HEATR5A: variants seen among roughly 807,000 people sequenced by gnomAD.
HEATR5A encodes the protein HEAT repeat-containing protein 5A.
A neutral mutation model predicts 218.8 loss-of-function variants in HEATR5A; 178 were observed. That is an observed-to-expected ratio of 0.81 (90% confidence interval 0.72 to 0.92). The LOEUF (loss-of-function observed/expected upper bound fraction) is 0.92. Among genes scored for constraint, HEATR5A ranks in the 40% least tolerant of loss-of-function variants. The pLI is 0.00. For missense variants in HEATR5A, 2,420 were observed against 2,418.9 expected (o/e 1.00, Z -0.01); for synonymous variants, 864 against 871.6 (o/e 0.99, Z 0.15).
chr14:31,386,862 A>C (rs1173282634), intron 8 of HEATR5A, among the ~76,000 whole-genome samples: 1 of 152,218 alleles, frequency 6.6e-6, no homozygotes, highest in African/African-American at 2.4e-5. Flanking sequence ...AATGATTTCA[A>C]CATTATTGAT....
chr14:31,380,300 C>T (rs1031192076), intron 11 of HEATR5A, among the ~76,000 whole-genome samples, 167 bp downstream of exon 11: 1 of 152,094 alleles, frequency 6.6e-6, no homozygotes, highest in African/African-American at 2.4e-5. Context: ...TAAGCAATGA[C>T]GAAAGTAAAA....
chr14:31,343,217 T>C (rs916318774), intron 21 of HEATR5A, among the ~76,000 whole-genome samples: 1 of 151,980 alleles, frequency 6.6e-6, no homozygotes, highest in East Asian at 1.9e-4. Context: ...CTCAGCCTCC[T>C]GAGTAGCTGG....
intron 31 of HEATR5A, among the ~76,000 whole-genome samples, chr14:31,306,016 C>A (rs766016614): frequency 2.3e-4 from 35 of 152,202 alleles, no homozygotes; most frequent in South Asian, 6.2e-4. Context: ...AATCTGCAAA[C>A]ATAAGTTCTT....
chr14:31,419,282 G>GAA (rs199743106), intron 1 of HEATR5A, among the ~76,000 whole-genome samples: 3 of 142,520 alleles, frequency 2.1e-5, no homozygotes, highest in African/African-American at 7.7e-5. Flanking sequence ...TATCAGTGAA[G>GAA]AAAAAAAAAA....
intron 32 of HEATR5A, 85 bp downstream of exon 32, chr14:31,304,820 G>T: frequency 7.3e-7 from 1 of 1,373,974 alleles, no homozygotes; most frequent in Non-Finnish European, 1.0e-6. Context: ...CATTTAAAAA[G>T]AAAAAGATTA....
At position 31,295,940 on chromosome 14, in the gene HEATR5A, A is replaced by G. The variant is rs372556692; in HGVS notation, c.5588T>C (p.Phe1863Ser). 1.2e-6 allele frequency: 2 copies of G among 1,613,618 alleles called. No homozygotes were observed. Among genetic ancestry groups the G allele is most frequent in the Non-Finnish European group, 1.7e-6 (2 of 1,179,762 alleles). Residue 1863 changes from phenylalanine to serine, a missense_variant, in exon 34 of 36, where the codon TTT becomes TCT. Physicochemically the swap from Phe to Ser is radical, Grantham distance 155. Coordinates refer to ENST00000543095, the MANE Select transcript of HEATR5A (RefSeq NM_015473.4). ...ATCTTTTATCTCAAGAGTAGCTTTA[A>G]ATTTATCAATACAGCGCTTCTGAAG... The part of the protein sequence containing the change: ...PCLQKRCIDK[F>S]KATLEIKDPV...
In HEATR5A at chr14:31,345,186, T is replaced by C. The variant is rs562033746; in HGVS notation, c.2959A>G (p.Met987Val). The C allele has an allele frequency of 8.1e-6, 13 of 1,613,650 alleles. No individual in the cohort carries two copies. Among genetic ancestry groups the C allele is most frequent in the Non-Finnish European group, 1.1e-5 (13 of 1,179,664 alleles). Residue 987 changes from methionine (M) to valine (V), a missense_variant, in exon 20 of 36, where the codon ATG becomes GTG. Coordinates refer to ENST00000543095, the MANE Select transcript of HEATR5A (RefSeq NM_015473.4). ...GTAGGAGGCACATTTAACAACAACA[T>C]TATAATAAGAGAAAGGGTAGGTTCC... ...HVEPTLSLII[M>V]LLLNVPPTHA...
At chr14:31,378,391 T>C (rs1245777430) in intron 11 of HEATR5A, among the ~76,000 whole-genome samples, 6 of 152,252 alleles carry the variant, frequency 3.9e-5, no homozygotes, top group Admixed American at 3.9e-4. Flanking sequence ...ATATAAAAAC[T>C]GTTCTTAGCT....
intron 1 of HEATR5A, among the ~76,000 whole-genome samples, chr14:31,410,683 A>C (rs957072176): frequency 6.6e-6 from 1 of 152,242 alleles, no homozygotes; most frequent in Non-Finnish European, 1.5e-5. Context: ...AGTCATTTAT[A>C]ATGTTAGAGT....
chr14:31,313,549 G>A (rs1899823869), intron 27 of HEATR5A, among the ~76,000 whole-genome samples: 1 of 151,980 alleles, frequency 6.6e-6, no homozygotes, highest in African/African-American at 2.4e-5. Context: ...CTGAAATACT[G>A]AATATATTTT....
intron 2 of HEATR5A, among the ~76,000 whole-genome samples, chr14:31,401,260 G>A (rs539351666): frequency 3.1e-4 from 47 of 152,196 alleles, no homozygotes; most frequent in African/African-American, 9.9e-4. Context: ...TCAAGGGGGT[G>A]GATTTCACCC....
chr14:31,316,900 C>T (rs537556525), intron 26 of HEATR5A, among the ~76,000 whole-genome samples: 1 of 152,170 alleles, frequency 6.6e-6, no homozygotes, highest in South Asian at 2.1e-4. Context: ...GTTGCCCAGG[C>T]TGGTCTCAAA....
chr14:31,403,381 C>A, intron 1 of HEATR5A, among the ~76,000 whole-genome samples: 1 of 152,150 alleles, frequency 6.6e-6, no homozygotes, highest in East Asian at 1.9e-4. Context: ...GTTTAAGTAA[C>A]TTACTAAAAT....
intron 22 of HEATR5A, among the ~76,000 whole-genome samples, chr14:31,335,991 T>C (rs1277551399): frequency 6.3e-5 from 9 of 143,098 alleles, no homozygotes; most frequent in Non-Finnish European, 4.6e-5. Context: ...TTTTTTGGAG[T>C]CAGTGTTTTG....
chr14:31,417,533 C>T (rs2031493696), intron 1 of HEATR5A, among the ~76,000 whole-genome samples: 1 of 151,822 alleles, frequency 6.6e-6, no homozygotes, highest in South Asian at 2.1e-4. Flanking sequence ...TGCAGCAGCC[C>T]AGATCGCGCC....
intron 1 of HEATR5A, among the ~76,000 whole-genome samples, chr14:31,406,793 A>T (rs1175057999): frequency 6.6e-6 from 1 of 151,768 alleles, no homozygotes; most frequent in African/African-American, 2.4e-5. Flanking sequence ...CCCTGTCTCT[A>T]CCAAAAATAC....
In HEATR5A at chr14:31,347,740, G is replaced by T. The variant is rs778050595; in HGVS notation, c.2868+8C>A. 6.4e-7 allele frequency: 1 copy of T among 1,569,582 alleles called. No individual in the cohort carries two copies. Among genetic ancestry groups the T allele is most frequent in the South Asian group, 1.2e-5 (1 of 81,412 alleles). On this transcript the variant is annotated splice_region_variant and intron_variant, in intron 19 of 35. Coordinates refer to ENST00000543095, the MANE Select transcript of HEATR5A (RefSeq NM_015473.4). ...AATTTCAAGGGAAGTATCACATGAG[G>T]TACCCACCTGCACATCAGGAGAAGT...
At chr14:31,359,204 T>C in intron 14 of HEATR5A, 147 bp from the exon 15 acceptor site, 1 of 762,018 alleles carries the variant, frequency 1.3e-6, no homozygotes, top group Non-Finnish European at 2.1e-6. Flanking sequence ...CCTTGAAAAC[T>C]GCCCTAGAAA....
chr14:31,315,640 G>T, intron 27 of HEATR5A, 130 bp downstream of exon 27: 2 of 627,536 alleles, frequency 3.2e-6, no homozygotes, highest in Non-Finnish European at 5.3e-6. Context: ...ATCACATGTT[G>T]GAATTCTTTT....
Sources: gnomAD v4.1 joint callset for allele counts (sites outside exome capture counted in the v4.1 genomes callset) on GRCh38, gnomAD v4.1.1 for gene constraint, MANE v1.5 for transcripts, NCBI Gene and HGNC (gene_info 2026-07-23, HGNC 2026-07-21) for gene names.